Variants in ETV6 observed in about 807,000 individuals in gnomAD.
ETV6 encodes transcription factor ETV6.
Under a neutral mutation model 51.1 loss-of-function variants are expected in ETV6, and 16 were observed. That is an observed-to-expected ratio of 0.31 (90% CI 0.21 to 0.48). The LOEUF is 0.48. ETV6 is among the 20% of genes least tolerant of loss of function. The pLI, the probability that ETV6 is intolerant of heterozygous loss-of-function variation, is 0.99. For synonymous variants in ETV6, 240 were observed against 224.1 expected (o/e 1.07, Z -0.64); for missense variants, 458 against 594.8 (o/e 0.77, Z 2.39).
intron 1 of ETV6, among the ~76,000 whole-genome samples, chr12:11,663,627 G>A (rs1239955962): frequency 6.6e-6 from 1 of 152,188 alleles, no homozygotes; most frequent in Non-Finnish European, 1.5e-5. Context: ...TGAACGGATT[G>A]TTAAACAGCA....
At chr12:11,840,344 A>T (rs1277740994) in intron 3 of ETV6, 3 of 442,082 alleles carry the variant, frequency 6.8e-6, no homozygotes, top group African/African-American at 6.1e-5. Flanking sequence ...GATATTTAGA[A>T]GGTACCTGTC....
At chr12:11,880,318 G>A (rs1194454014) in intron 5 of ETV6, among the ~76,000 whole-genome samples, 1 of 152,164 alleles carries the variant, frequency 6.6e-6, no homozygotes, top group African/African-American at 2.4e-5. Context: ...AGCTTGTTTG[G>A]GGTTGTTTTC....
chr12:11,700,453 A>G (rs1266731126), intron 1 of ETV6, among the ~76,000 whole-genome samples: 1 of 152,292 alleles, frequency 6.6e-6, no homozygotes, highest in East Asian at 1.9e-4. Context: ...GCTCCTGCTT[A>G]TAAGTGAGAA....
At chr12:11,772,105 GTGTATAAAAACTT>G (rs765162555) in intron 2 of ETV6, among the ~76,000 whole-genome samples, 29 of 152,204 alleles carry the variant, frequency 1.9e-4, no homozygotes, top group Non-Finnish European at 3.8e-4. Flanking sequence ...TTGTGATCAT[GTGTATAAAAACTT>G]TCAGACACCT....
chr12:11,877,363 C>A (rs1207811269), intron 5 of ETV6, among the ~76,000 whole-genome samples: 4 of 151,480 alleles, frequency 2.6e-5, no homozygotes, highest in African/African-American at 7.3e-5. Flanking sequence ...AGCTAAAAGA[C>A]CTCGTAAAAG....
intron 2 of ETV6, 61 bp from the exon 3 acceptor site, chr12:11,839,079 C>G (rs1046052589): frequency 1.3e-6 from 2 of 1,538,806 alleles, no homozygotes; most frequent in African/African-American, 2.8e-5. Flanking sequence ...TCCCTTTATT[C>G]CAGCTGTCTA....
chr12:11,827,242 C>T (rs1946170324), intron 2 of ETV6, among the ~76,000 whole-genome samples: 1 of 152,030 alleles, frequency 6.6e-6, no homozygotes, highest in South Asian at 2.1e-4. Flanking sequence ...AGCAGTCTGC[C>T]CCGCGAAATG....
intron 2 of ETV6, among the ~76,000 whole-genome samples, chr12:11,836,604 C>A (rs1360221170): frequency 6.6e-6 from 1 of 152,150 alleles, no homozygotes; most frequent in Non-Finnish European, 1.5e-5. Context: ...TGGAGTGTGA[C>A]TCTTCTTGTA....
chr12:11,740,308 C>T (rs1865786344), intron 1 of ETV6, among the ~76,000 whole-genome samples: 1 of 152,186 alleles, frequency 6.6e-6, no homozygotes, highest in African/African-American at 2.4e-5. Flanking sequence ...CCTATAAGCT[C>T]CAAGTGATTT....
intron 3 of ETV6, among the ~76,000 whole-genome samples, chr12:11,845,454 T>A (rs1158982391): frequency 6.6e-6 from 1 of 152,212 alleles, no homozygotes; most frequent in Non-Finnish European, 1.5e-5. Flanking sequence ...CCAGCTGTAA[T>A]TGTCTTACTG....
intron 2 of ETV6, among the ~76,000 whole-genome samples, chr12:11,808,396 C>G (rs1244271802): frequency 6.6e-6 from 1 of 151,452 alleles, no homozygotes; most frequent in Non-Finnish European, 1.5e-5. Context: ...GTTGCACATC[C>G]GTGATTCCAT....
rs138128948 is a variant in ETV6, at chr12:11,870,682, A to G, written c.1009+713A>G. 1.5e-3 allele frequency among the ~76,000 whole-genome samples: 224 copies of G among 152,324 alleles called. 1 individual carries two copies. The highest frequency in any genetic ancestry group is 5.0e-3 in the African/African-American group (209 of 41,562). Reference sequence around the variant, plus strand: ...AGCTCTTTTCGTAGAGCATTTCTCCATTAGATATTTGTTGAGCACCTGCTG... The same window carrying G: ...AGCTCTTTTCGTAGAGCATTTCTCCGTTAGATATTTGTTGAGCACCTGCTG... On this transcript the variant is annotated intron_variant, in intron 5 of 7. Transcript: ENST00000396373.
chr12:11,789,953 A>G (rs1472823764), intron 2 of ETV6, among the ~76,000 whole-genome samples: 3 of 151,890 alleles, frequency 2.0e-5, no homozygotes, highest in Non-Finnish European at 4.4e-5. Flanking sequence ...ATTTCCTTTC[A>G]TTCTGGGAAC....
chr12:11,873,175 A>G (rs1209943748), intron 5 of ETV6, among the ~76,000 whole-genome samples: 2 of 152,194 alleles, frequency 1.3e-5, no homozygotes, highest in Non-Finnish European at 2.9e-5. Context: ...ACTGAAAGGC[A>G]TTGTTTTTCT....
intron 2 of ETV6, among the ~76,000 whole-genome samples, chr12:11,754,833 C>T (rs1565513139): frequency 6.6e-6 from 1 of 152,214 alleles, no homozygotes; most frequent in African/African-American, 2.4e-5. Context: ...ACGGGATTAC[C>T]CTGTAGCAGG....
intron 2 of ETV6, among the ~76,000 whole-genome samples, chr12:11,769,733 A>G (rs942933474): frequency 2.6e-5 from 4 of 152,260 alleles, no homozygotes; most frequent in Non-Finnish European, 5.9e-5. Context: ...TCTAGACTGT[A>G]ACATGCCCCT....
chr12:11,892,412 T>C lies in ETV6; in HGVS notation c.*1366T>C, dbSNP rs1947309143. The C allele has an allele frequency of 8.6e-6, 2 of 232,982 alleles. No homozygotes were observed. The highest frequency in any genetic ancestry group is 3.6e-4 in the South Asian group (2 of 5,528). The allele number at this position is 232,982 out of a possible 1,614,324, so 14.4% of individuals were successfully genotyped here. A position where few individuals can be genotyped will look rare whatever the true frequency, so the allele number is the denominator to read the frequency against. ...TAGCTGTGTCTCAGAAAGGACCCAT[T>C]TGTGGCTCTTTTTCACCTCAAAATA... On this transcript the variant is annotated 3_prime_UTR_variant, in exon 8 of 8. Coordinates refer to ENST00000396373, the MANE Select transcript of ETV6 (RefSeq NM_001987.5).
At chr12:11,874,930 A>G (rs1158062720) in intron 5 of ETV6, among the ~76,000 whole-genome samples, 1 of 149,816 alleles carries the variant, frequency 6.7e-6, no homozygotes, top group African/African-American at 2.4e-5. Flanking sequence ...TAGCATTAGG[A>G]GATATACCTA....
intron 3 of ETV6, among the ~76,000 whole-genome samples, chr12:11,844,588 G>T (rs753737593): frequency 2.0e-5 from 3 of 152,088 alleles, no homozygotes; most frequent in Non-Finnish European, 4.4e-5. Context: ...TGGTAGGTTT[G>T]CCAGATTGAA....
Sources: allele counts gnomAD v4.1 joint callset (sites outside exome capture counted in the v4.1 genomes callset), GRCh38; gene constraint gnomAD v4.1.1; transcripts MANE v1.5; gene names NCBI Gene and HGNC (gene_info 2026-07-23, HGNC 2026-07-21).